The following CRB1 variants were observed in gnomAD, a reference collection of about 807,000 sequenced individuals.
CRB1 encodes the protein protein crumbs homolog 1.
A neutral mutation model predicts 120.0 loss-of-function variants in CRB1; 83 were observed. The observed-to-expected ratio is 0.69, with a 90% CI of 0.58 to 0.83. CRB1 has a LOEUF of 0.83. Among genes scored for constraint, CRB1 ranks in the 40% least tolerant of loss-of-function variants. CRB1 has a pLI of 0.00. For missense variants in CRB1, 1,699 were observed against 1,687.6 expected, an observed-to-expected ratio of 1.01 and a Z score of -0.12; for synonymous variants, 625 against 612.5, an observed-to-expected ratio of 1.02 and a Z score of -0.30.
At chr1:197,322,489 AT>A (rs1442193867) in intron 1 of CRB1, among the ~76,000 whole-genome samples, 2 of 151,136 alleles carry the variant, frequency 1.3e-5, no homozygotes, top group African/African-American at 2.4e-5. Context: ...AATAATAATA[AT>A]TTTTATACCA....
At chr1:197,352,803 T>G (rs1279666853) in intron 4 of CRB1, among the ~76,000 whole-genome samples, 1 of 152,134 alleles carries the variant, frequency 6.6e-6, no homozygotes, top group African/African-American at 2.4e-5. Context: ...GAATTTATGT[T>G]GTGGTTATGA....
At chr1:197,364,649 G>A (rs2786116) in intron 5 of CRB1, among the ~76,000 whole-genome samples, 119,837 of 151,410 alleles carry the variant, frequency 0.79, 47,499 homozygotes, top group South Asian at 0.88. Flanking sequence ...CATTGATTCT[G>A]TTCTTTTTTG....
intron 7 of CRB1, 74 bp from the exon 8 acceptor site, chr1:197,429,375 A>G: frequency 6.5e-7 from 1 of 1,530,754 alleles, no homozygotes; most frequent in African/African-American, 1.4e-5. Context: ...AAAAACAGAT[A>G]TGTGGTTTCA....
intron 1 of CRB1, among the ~76,000 whole-genome samples, chr1:197,309,797 T>TAAATAAAC (rs1458253545): frequency 6.6e-6 from 1 of 150,670 alleles, no homozygotes; most frequent in Admixed American, 6.6e-5. Flanking sequence ...AATAAATAAA[T>TAAATAAAC]TTACTTATGT....
At chr1:197,350,397 A>G (rs1232412238) in intron 4 of CRB1, among the ~76,000 whole-genome samples, 8 of 152,240 alleles carry the variant, frequency 5.3e-5, no homozygotes, top group African/African-American at 1.9e-4. Flanking sequence ...AAAAAAGGGC[A>G]ACTATGTAGC....
chr1:197,220,555 G>A, the CRB1 span, among the ~76,000 whole-genome samples: 66 of 152,274 alleles, frequency 4.3e-4, no homozygotes, highest in Admixed American at 1.2e-3. Flanking sequence ...TAACTATTGC[G>A]TTTGCTTTCT....
chr1:197,323,157 G>A (rs1472267840), intron 1 of CRB1, among the ~76,000 whole-genome samples: 1 of 151,970 alleles, frequency 6.6e-6, no homozygotes, highest in Non-Finnish European at 1.5e-5. Context: ...GATGTACAGT[G>A]GAATGAACTA....
At chr1:197,426,163 G>A (rs976543357) in intron 6 of CRB1, among the ~76,000 whole-genome samples, 2 of 152,040 alleles carry the variant, frequency 1.3e-5, no homozygotes, top group Non-Finnish European at 2.9e-5. Context: ...CCTTAGAGAT[G>A]AACTTGCTCC....
chr1:197,268,436 C>T lies in CRB1; in HGVS notation c.24C>T (p.Tyr8=), dbSNP rs1044326530. The T allele has an allele frequency of 2.5e-6, 4 of 1,612,788 alleles. No individual in the cohort carries two copies. The South Asian group carries it at 3.3e-5, about 13-fold the overall frequency. ...CCATGGCACTTAAGAACATTAACTACCTTCTCATCTTCTACCTCAGTTTCT... is the reference window on the plus strand; with the variant it reads ...CCATGGCACTTAAGAACATTAACTATCTTCTCATCTTCTACCTCAGTTTCT... MALKNIN[Y]LLIFYLSFSL... Residue 8 remains tyrosine (Y), a synonymous_variant, in exon 1 of 12, where the codon TAC becomes TAT. Coordinates refer to ENST00000367400, the MANE Select transcript of CRB1 (RefSeq NM_201253.3).
rs1267861114 is a variant in CRB1, at chr1:197,421,883, A to G, written c.2055A>G (p.Gly685=). 2.5e-6 allele frequency: 4 copies of G among 1,614,100 alleles called. No homozygotes were observed. Among genetic ancestry groups the G allele is most frequent in the Non-Finnish European group, 3.4e-6 (4 of 1,180,048 alleles). The change falls in exon 6 of 12, where the codon GGA becomes GGG. Residue 685 remains glycine (G), a synonymous_variant. Coordinates refer to ENST00000367400, the MANE Select transcript of CRB1 (RefSeq NM_201253.3). The part of the protein sequence containing the change: ...WCESQPCQSR[G]RCINLWLSYQ... ...AAAGCCAACCTTGTCAAAGCAGAGGACGCTGCATCAACTTGTGGCTGAGTT... is the reference window on the plus strand; with the variant it reads ...AAAGCCAACCTTGTCAAAGCAGAGGGCGCTGCATCAACTTGTGGCTGAGTT...
chr1:197,454,910 G>A (rs1287097020), intron 11 of CRB1, among the ~76,000 whole-genome samples: 2 of 152,144 alleles, frequency 1.3e-5, no homozygotes, highest in Admixed American at 1.3e-4. Flanking sequence ...ACACAAAAAA[G>A]TGTGTTTGTG....
At chr1:197,306,287 T>C (rs1657171448) in intron 1 of CRB1, among the ~76,000 whole-genome samples, 1 of 152,050 alleles carries the variant, frequency 6.6e-6, no homozygotes, top group South Asian at 2.1e-4. Flanking sequence ...GGAAATTGAA[T>C]GGTCAAAGAA....
At chr1:197,394,336 T>A (rs1020342039) in intron 5 of CRB1, among the ~76,000 whole-genome samples, 9 of 152,134 alleles carry the variant, frequency 5.9e-5, no homozygotes, top group African/African-American at 2.2e-4. Context: ...ATAATACATA[T>A]AACATGCAAA....
the CRB1 span, among the ~76,000 whole-genome samples, chr1:197,226,790 T>TACAGTTCC: frequency 6.6e-6 from 1 of 152,106 alleles, no homozygotes. Context: ...TAATTGGACT[T>TACAGTTCC]ACAGTTCCAC....
At chr1:197,468,876 A>C (rs1240936546) in intron 11 of CRB1, among the ~76,000 whole-genome samples, 1 of 152,182 alleles carries the variant, frequency 6.6e-6, no homozygotes, top group African/African-American at 2.4e-5. Context: ...TAAAAAGAGG[A>C]GAGGCATGAT....
At chr1:197,464,222 C>T (rs1466670732) in intron 11 of CRB1, among the ~76,000 whole-genome samples, 1 of 152,082 alleles carries the variant, frequency 6.6e-6, no homozygotes, top group Non-Finnish European at 1.5e-5. Flanking sequence ...AAATGCGTCT[C>T]CTCACAACAC....
intron 1 of CRB1, among the ~76,000 whole-genome samples, chr1:197,294,549 T>G (rs1656399284): frequency 6.6e-6 from 1 of 152,110 alleles, no homozygotes; most frequent in Non-Finnish European, 1.5e-5. Flanking sequence ...AGCCATCCCA[T>G]TACTGAGTAT....
chr1:197,417,813 T>A (rs1202565718), intron 5 of CRB1, among the ~76,000 whole-genome samples: 1 of 152,134 alleles, frequency 6.6e-6, no homozygotes, highest in Non-Finnish European at 1.5e-5. Context: ...ACAAAACACA[T>A]AAATCTGAAG....
At chr1:197,307,740 G>T (rs565140389) in intron 1 of CRB1, among the ~76,000 whole-genome samples, 1 of 152,300 alleles carries the variant, frequency 6.6e-6, no homozygotes, top group South Asian at 2.1e-4. Context: ...ATTAGTACTG[G>T]AGGTATTACG....
Sources: gnomAD v4.1 joint callset for allele counts (sites outside exome capture counted in the v4.1 genomes callset) on GRCh38, gnomAD v4.1.1 for gene constraint, MANE v1.5 for transcripts, NCBI Gene and HGNC (gene_info 2026-07-23, HGNC 2026-07-21) for gene names.